SP1: variants seen among roughly 807,000 people sequenced by gnomAD.
SP1 encodes the protein Sp1 transcription factor.
Under a neutral mutation model 66.3 loss-of-function variants are expected in SP1, and 6 were observed. The observed-to-expected ratio is 0.09, with a 90% CI of 0.05 to 0.18. The LOEUF (loss-of-function observed/expected upper bound fraction) is 0.18, where lower values mean the gene tolerates loss of function less well. Among genes scored for constraint, SP1 ranks in the 10% least tolerant of loss-of-function variants. The pLI is 1.00. For missense variants in SP1, 848 were observed against 964.5 expected (o/e 0.88, Z 1.60); for synonymous variants, 417 against 360.8 (o/e 1.16, Z -1.77).
chr12:53,387,940 T>C (rs979592442), intron 3 of SP1, among the ~76,000 whole-genome samples: 6 of 151,918 alleles, frequency 3.9e-5, no homozygotes, highest in Non-Finnish European at 7.4e-5. Flanking sequence ...GAGCTGAGAT[T>C]GTGCCACTGC....
chr12:53,414,595 T>G lies in SP1; in HGVS notation c.*3355T>G, dbSNP rs982048389. 1 of 152,658 alleles carries G rather than the reference T, an allele frequency of 6.6e-6. No homozygotes were observed. Among genetic ancestry groups the G allele is most frequent in the Non-Finnish European group, 1.5e-5 (1 of 68,054 alleles). 9.5% of individuals were successfully genotyped at this position (152,658 alleles called of 1,614,324 possible). A position where few individuals can be genotyped will look rare whatever the true frequency, so the allele number is the denominator to read the frequency against. ...TATATACATATATATTTTTTGCTTT[T>G]GTATATCCTATATAGGAAACTAAGC... On this transcript the variant is annotated 3_prime_UTR_variant, in exon 6 of 6. Transcript: ENST00000327443.
Position 53,385,055 on chromosome 12 carries a change from G to A in SP1, c.1675+1433G>A, listed in dbSNP as rs972370070. On this transcript the variant is annotated intron_variant, in intron 3 of 5. Coordinates refer to ENST00000327443, the MANE Select transcript of SP1 (RefSeq NM_138473.3). ...CACGCCTGTAATCCCAGCACTTTGGGAGGCTGAGGTGGGTGGGTCACCTGA... is the reference window on the plus strand; with the variant it reads ...CACGCCTGTAATCCCAGCACTTTGGAAGGCTGAGGTGGGTGGGTCACCTGA... Among the ~76,000 whole-genome samples the A allele has an allele frequency of 5.9e-5, 9 of 151,976 alleles. 1 individual carries two copies. Among genetic ancestry groups the A allele is most frequent in the Non-Finnish European group, 8.8e-5 (6 of 68,000 alleles).
chr12:53,394,564 C>T (rs114910100), intron 3 of SP1, among the ~76,000 whole-genome samples: 20 of 134,600 alleles, frequency 1.5e-4, no homozygotes, highest in African/African-American at 4.9e-4. Context: ...CACTGTGCTG[C>T]GTGGTCTTTT....
intron 3 of SP1, among the ~76,000 whole-genome samples, chr12:53,391,616 C>T (rs188796078): frequency 6.6e-6 from 1 of 152,082 alleles, no homozygotes; most frequent in Admixed American, 6.6e-5. Flanking sequence ...AGCCACTGCG[C>T]CCAGCCTTTT....
At chr12:53,380,754 G>T (rs1423706158) in intron 1 of SP1, 4 of 536,278 alleles carry the variant, frequency 7.5e-6, no homozygotes, top group Non-Finnish European at 8.3e-6. Context: ...GCCCCCCACC[G>T]TCCCGCCCTT....
chr12:53,387,749 A>C (rs1938263165), intron 3 of SP1, among the ~76,000 whole-genome samples: 2 of 152,040 alleles, frequency 1.3e-5, no homozygotes, highest in South Asian at 4.1e-4. Flanking sequence ...ACTTTGGGAG[A>C]CTGAGACAGG....
intron 3 of SP1, among the ~76,000 whole-genome samples, chr12:53,399,027 C>G (rs1383143143): frequency 6.6e-6 from 1 of 152,132 alleles, no homozygotes. Context: ...TGCTTCGTAA[C>G]CATTTTCACT....
At chr12:53,408,165 G>A (rs1307504085) in intron 4 of SP1, among the ~76,000 whole-genome samples, 1 of 143,138 alleles carries the variant, frequency 7.0e-6, no homozygotes, top group African/African-American at 2.5e-5. Flanking sequence ...AGAATTGCTC[G>A]AACTTGGGAG....
chr12:53,380,364 C>T (rs1938054113), intron 1 of SP1, 66 bp downstream of exon 1: 8 of 1,314,098 alleles, frequency 6.1e-6, no homozygotes, highest in Non-Finnish European at 8.0e-6. Flanking sequence ...CGAGGGCCGA[C>T]CGGGCGATCC....
chr12:53,390,239 C>T lies in SP1; in HGVS notation c.1675+6617C>T, dbSNP rs530739040. On this transcript the variant is annotated intron_variant, in intron 3 of 5. Coordinates refer to ENST00000327443, the MANE Select transcript of SP1 (RefSeq NM_138473.3). ...GAATGTTTCTGCGTCTTTTGTCTTT[C>T]CCTAGTATTATACTTGTTTCTCTTT... 3.3e-5 allele frequency among the ~76,000 whole-genome samples: 5 copies of T among 152,210 alleles called. No individual in the cohort carries two copies. In the East Asian group the frequency reaches 7.7e-4, roughly 23 times the overall value.
At chr12:53,404,285 A>G (rs1259096559) in intron 3 of SP1, among the ~76,000 whole-genome samples, 2 of 151,964 alleles carry the variant, frequency 1.3e-5, no homozygotes, top group African/African-American at 2.4e-5. Context: ...TGTAATCAGC[A>G]CTTTGGGAGG....
At chr12:53,391,035 T>C (rs1056432292) in intron 3 of SP1, among the ~76,000 whole-genome samples, 7 of 152,174 alleles carry the variant, frequency 4.6e-5, no homozygotes, top group Non-Finnish European at 8.8e-5. Flanking sequence ...AGGAAAGTTA[T>C]TATATCATGC....
rs1565819757 is a variant in SP1 at position 53,411,481 on chromosome 12, G to A, written c.*241G>A. On this transcript the variant is annotated 3_prime_UTR_variant, in exon 6 of 6. Transcript: ENST00000327443. ...TTCTGTTGGTGCCACGCTTTGATGA[G>A]CATTTGTTTGACCCCAGTTTCTTCT... 1 of 427,020 alleles carries A rather than the reference G, an allele frequency of 2.3e-6. No individual in the cohort carries two copies. The highest frequency in any genetic ancestry group is 5.1e-5 in the South Asian group (1 of 19,554). 26.5% of individuals were successfully genotyped at this position (427,020 alleles called of 1,614,324 possible). A position where few individuals can be genotyped will look rare whatever the true frequency, so the allele number is the denominator to read the frequency against.
At chr12:53,388,839 G>A (rs1938284696) in intron 3 of SP1, among the ~76,000 whole-genome samples, 2 of 151,990 alleles carry the variant, frequency 1.3e-5, no homozygotes, top group African/African-American at 2.4e-5. Context: ...AATTACCTGA[G>A]CATGGTAGCA....
intron 3 of SP1, among the ~76,000 whole-genome samples, chr12:53,385,741 C>T (rs918441884): frequency 1.3e-5 from 2 of 151,772 alleles, no homozygotes; most frequent in Admixed American, 1.3e-4. Flanking sequence ...GGTGAAACCC[C>T]GTCTCTACTA....
chr12:53,384,953 C>G (rs1001117470), intron 3 of SP1, among the ~76,000 whole-genome samples: 2 of 150,640 alleles, frequency 1.3e-5, no homozygotes, highest in Non-Finnish European at 2.9e-5. Context: ...CCACTGCACT[C>G]CAGCCTGGGC....
At chr12:53,391,910 C>G (rs952382554) in intron 3 of SP1, among the ~76,000 whole-genome samples, 2 of 151,996 alleles carry the variant, frequency 1.3e-5, no homozygotes, top group African/African-American at 4.8e-5. Context: ...TGCATCCAGA[C>G]ATGGATGCAA....
At chr12:53,380,431 CG>C in intron 1 of SP1, 133 bp downstream of exon 1, 1 of 668,590 alleles carries the variant, frequency 1.5e-6, no homozygotes, top group Non-Finnish European at 2.1e-6. Context: ...AGGTCCCGCC[CG>C]GGGCGGAGGG....
At chr12:53,391,067 G>A (rs990327907) in intron 3 of SP1, among the ~76,000 whole-genome samples, 1 of 152,068 alleles carries the variant, frequency 6.6e-6, no homozygotes, top group Non-Finnish European at 1.5e-5. Flanking sequence ...CTTTTTGGGT[G>A]TCTGTCAACT....
Sources: allele counts gnomAD v4.1 joint callset (sites outside exome capture counted in the v4.1 genomes callset), GRCh38; gene constraint gnomAD v4.1.1; transcripts MANE v1.5; gene names NCBI Gene and HGNC (gene_info 2026-07-23, HGNC 2026-07-21).